KIF5B: variants seen among roughly 807,000 people sequenced by gnomAD.
KIF5B encodes kinesin-1 heavy chain.
In KIF5B, 49 loss-of-function variants were observed where a neutral mutation model predicts 132.8. That is an observed-to-expected ratio of 0.37 (90% CI 0.29 to 0.47). The LOEUF (loss-of-function observed/expected upper bound fraction) is 0.47. KIF5B is among the 20% of genes least tolerant of loss of function. The pLI is 1.00. For synonymous variants in KIF5B, 355 were observed against 369.4 expected, an observed-to-expected ratio of 0.96 and a Z score of 0.45; for missense variants, 780 against 1,144.0, an observed-to-expected ratio of 0.68 and a Z score of 4.59.
chr10:32,025,893 T>C (rs1055444171), intron 15 of KIF5B, among the ~76,000 whole-genome samples: 3 of 152,246 alleles, frequency 2.0e-5, no homozygotes, highest in Non-Finnish European at 4.4e-5. Context: ...ACATACTGTA[T>C]GATTCCAACT....
In KIF5B at chr10:32,056,171, T is replaced by C. The variant is rs1483025426; in HGVS notation, c.-198A>G. 2 of 584,000 alleles carry C rather than the reference T, an allele frequency of 3.4e-6. No individual in the cohort carries two copies. Among genetic ancestry groups the C allele is most frequent in the Non-Finnish European group, 5.8e-6 (2 of 342,228 alleles). 36.2% of individuals were successfully genotyped at this position (584,000 alleles called of 1,614,324 possible). A position where few individuals can be genotyped will look rare whatever the true frequency, so the allele number is the denominator to read the frequency against. Reference sequence around the variant, plus strand: ...CGGCGCCGGCAGCCGTTAACCCTAATGCTCACTTCCGATCCATCATGGCAG... The same window carrying C: ...CGGCGCCGGCAGCCGTTAACCCTAACGCTCACTTCCGATCCATCATGGCAG... On this transcript the variant is annotated 5_prime_UTR_variant, in exon 1 of 26. Transcript: ENST00000302418.
At chr10:32,035,135 G>A (rs990368848) in intron 10 of KIF5B, among the ~76,000 whole-genome samples, 12 of 151,988 alleles carry the variant, frequency 7.9e-5, no homozygotes, top group Non-Finnish European at 1.8e-4. Flanking sequence ...ACTGTTGAAA[G>A]TCAAAGACGG....
chr10:32,043,073 GGCTCACTGCAACCTCC>G (rs1191768085), intron 2 of KIF5B, among the ~76,000 whole-genome samples: 1 of 150,410 alleles, frequency 6.6e-6, no homozygotes, highest in African/African-American at 2.5e-5. Context: ...CTGCAACCTC[GGCTCACTGCAACCTCC>G]GCCTCCCAGG....
intron 25 of KIF5B, among the ~76,000 whole-genome samples, chr10:32,013,403 G>C (rs985843115): frequency 2.0e-5 from 3 of 152,122 alleles, no homozygotes; most frequent in Admixed American, 1.3e-4. Flanking sequence ...TAGAAATAGA[G>C]GGAGAACAAG....
Position 32,040,374 on chromosome 10 carries a change from A to G in KIF5B, c.288+10T>C, listed in dbSNP as rs1841516939. ...CAAACCACATCTAAGTACAGATTAT[A>G]AAACGTTACCTCCATTGTGTGTGTC... On this transcript the variant is annotated intron_variant, in intron 3 of 25. Coordinates refer to ENST00000302418, the MANE Select transcript of KIF5B (RefSeq NM_004521.3). The G allele has an allele frequency of 6.5e-7, 1 of 1,536,874 alleles. No individual in the cohort carries two copies. Among genetic ancestry groups the G allele is most frequent in the Admixed American group, 1.7e-5 (1 of 59,902 alleles).
chr10:32,028,776 A>G (rs1488480501), intron 14 of KIF5B, among the ~76,000 whole-genome samples: 1 of 152,228 alleles, frequency 6.6e-6, no homozygotes, highest in East Asian at 1.9e-4. Flanking sequence ...TGGTAAAAGT[A>G]GCCACATTGT....
intron 20 of KIF5B, 149 bp from the exon 21 acceptor site, chr10:32,018,711 GCTGT>G (rs938539883): frequency 1.4e-5 from 9 of 640,280 alleles, no homozygotes; most frequent in Admixed American, 1.1e-4. Flanking sequence ...ATTTACCTGT[GCTGT>G]CTTTCAAAAA....
rs986197301 is a variant in KIF5B at position 32,009,050 on chromosome 10, C to A, written c.*2487G>T. The A allele has an allele frequency of 3.3e-5, 5 of 152,100 alleles. No individual in the cohort carries two copies. The highest frequency in any genetic ancestry group is 9.7e-5 in the African/African-American group (4 of 41,416). The allele number at this position is 152,100 out of a possible 1,614,324, so 9.4% of individuals were successfully genotyped here. A position where few individuals can be genotyped will look rare whatever the true frequency, so the allele number is the denominator to read the frequency against. On this transcript the variant is annotated 3_prime_UTR_variant, in exon 26 of 26. Transcript: ENST00000302418. ...TTTTCCTCTTTATTTAAACATAAAA[C>A]GCATTTACAACATGCAAGTTAACTT...
At chr10:32,038,114 A>AC in intron 6 of KIF5B, 49 bp downstream of exon 6, 1 of 1,240,666 alleles carries the variant, frequency 8.1e-7, no homozygotes, top group Non-Finnish European at 1.2e-6. Flanking sequence ...TGTCTTAAAA[A>AC]AAAAAAAAAA....
intron 12 of KIF5B, 43 bp downstream of exon 12, chr10:32,033,802 T>C: frequency 7.4e-7 from 1 of 1,349,728 alleles, no homozygotes; most frequent in Non-Finnish European, 1.0e-6. Flanking sequence ...CCCATGTCAA[T>C]AGTATCCTAA....
chr10:32,053,983 A>C (rs1841723630), intron 1 of KIF5B, among the ~76,000 whole-genome samples: 1 of 152,170 alleles, frequency 6.6e-6, no homozygotes, highest in Non-Finnish European at 1.5e-5. Flanking sequence ...TTCATAGTTC[A>C]TGTCGTATTT....
intron 4 of KIF5B, 76 bp downstream of exon 4, chr10:32,039,251 A>C (rs1025652298): frequency 6.6e-6 from 4 of 606,146 alleles, no homozygotes; most frequent in Admixed American, 7.2e-5. Context: ...AAAATTAAAG[A>C]AACCAGCATT....
chr10:32,055,178 T>C (rs948253694), intron 1 of KIF5B, among the ~76,000 whole-genome samples: 1 of 151,900 alleles, frequency 6.6e-6, no homozygotes, highest in African/African-American at 2.4e-5. Flanking sequence ...CTGATCATCC[T>C]GTTTCAAAAA....
At chr10:32,026,415 G>A (rs1287091613) in intron 15 of KIF5B, among the ~76,000 whole-genome samples, 1 of 111,460 alleles carries the variant, frequency 9.0e-6, no homozygotes, top group African/African-American at 3.3e-5. Flanking sequence ...TCCAGCCTGG[G>A]AGACACAGTG....
intron 1 of KIF5B, among the ~76,000 whole-genome samples, chr10:32,053,892 C>T (rs1036841853): frequency 1.2e-4 from 18 of 152,078 alleles, no homozygotes; most frequent in African/African-American, 3.9e-4. Context: ...AATTTTGAAA[C>T]GGAACTTATA....
rs76470225 is a variant in KIF5B, at chr10:32,052,747, G to A, written c.126+3101C>T. Among the ~76,000 whole-genome samples, 436 of 152,108 alleles carry A rather than the reference G, an allele frequency of 2.9e-3. 4 individuals are homozygous for A. The highest frequency in any genetic ancestry group is 9.7e-3 in the African/African-American group (404 of 41,490). On this transcript the variant is annotated intron_variant, in intron 1 of 25. Transcript: ENST00000302418. ...AAAGCAAATAGTTTATATGTATATC[G>A]CTTAAAGACTTTCATAAAATAATTC...
At chr10:32,028,718 C>G (rs928820999) in intron 14 of KIF5B, 147 bp from the exon 15 acceptor site, 27 of 623,198 alleles carry the variant, frequency 4.3e-5, no homozygotes, top group South Asian at 2.0e-4. Flanking sequence ...CTACCAGGTT[C>G]TGGGCTCCCA....
At chr10:32,040,626 AAC>A (rs72393080) in intron 2 of KIF5B, among the ~76,000 whole-genome samples, 169 bp from the exon 3 acceptor site, 24,056 of 142,028 alleles carry the variant, frequency 0.17, 2,442 homozygotes, top group East Asian at 0.47. Context: ...AACACCCTAA[AAC>A]ACACACACAC....
chr10:32,011,765 T>C (rs1257381988), intron 25 of KIF5B, among the ~76,000 whole-genome samples: 1 of 152,142 alleles, frequency 6.6e-6, no homozygotes, highest in African/African-American at 2.4e-5. Context: ...GCCCTCCCTT[T>C]GTTTTTATTC....
Sources: allele counts gnomAD v4.1 joint callset (sites outside exome capture counted in the v4.1 genomes callset), GRCh38; gene constraint gnomAD v4.1.1; transcripts MANE v1.5; gene names NCBI Gene and HGNC (gene_info 2026-07-23, HGNC 2026-07-21).